The following CCDC82 variants were observed in gnomAD, a reference collection of about 807,000 sequenced individuals.
CCDC82 encodes the protein coiled-coil domain containing 82, also known as coiled-coil domain-containing protein 82.
Under a neutral mutation model 60.6 loss-of-function variants are expected in CCDC82, and 47 were observed. The observed-to-expected ratio is 0.77, with a 90% CI of 0.61 to 0.99. The LOEUF (loss-of-function observed/expected upper bound fraction) is 0.99, where lower values mean the gene tolerates loss of function less well. Ranked by LOEUF, CCDC82 falls within the 50% of genes least tolerant of loss-of-function variation. The pLI is 0.00. For missense variants in CCDC82, 588 were observed against 633.0 expected, an observed-to-expected ratio of 0.93 and a Z score of 0.76; for synonymous variants, 212 against 207.4, an observed-to-expected ratio of 1.02 and a Z score of -0.19.
chr11:96,357,607 T>C, intron 9 of CCDC82: 1 of 981,934 alleles, frequency 1.0e-6, no homozygotes, highest in Non-Finnish European at 1.2e-6. Flanking sequence ...TTCTTCCCCA[T>C]ATATGATACT....
In CCDC82 at chr11:96,359,987, CTT is replaced by C. The variant is rs764062416; in HGVS notation, c.1381-811_1381-810del. Among the ~76,000 whole-genome samples the C allele has an allele frequency of 2.2e-4, 34 of 151,328 alleles. No individual in the cohort carries two copies. The East Asian group carries it at 3.9e-3, about 17-fold the overall frequency. On this transcript the variant is annotated intron_variant, in intron 8 of 9. Coordinates refer to ENST00000646818, the MANE Select transcript of CCDC82 (RefSeq NM_024725.4). ...TTCTATAATTCTATGATTAAGAACTCTTTTTATGAAATCAAATAACCAGAACC... is the reference window on the plus strand; with the variant it reads ...TTCTATAATTCTATGATTAAGAACTCTTTATGAAATCAAATAACCAGAACC...
Position 96,357,835 on chromosome 11 carries a change from G to A in CCDC82, c.1566+1158C>T, listed in dbSNP as rs1864424744. On this transcript the variant is annotated intron_variant, in intron 9 of 9. Transcript: ENST00000646818. ...TCTCCTAAAGCAAATGAAAAAGTAC[G>A]GATAAGCAGGGAGAAGCATTTGGAG... The A allele has an allele frequency of 3.6e-5, 35 of 985,194 alleles. No individual in the cohort carries two copies. In the South Asian group the frequency reaches 8.9e-4, roughly 25 times the overall value. The allele number at this position is 985,194 out of a possible 1,614,324, so 61.0% of individuals were successfully genotyped here. A position where few individuals can be genotyped will look rare whatever the true frequency, so the allele number is the denominator to read the frequency against.
intron 5 of CCDC82, among the ~76,000 whole-genome samples, chr11:96,379,179 GTT>G (rs1466676880): frequency 5.3e-5 from 8 of 151,872 alleles, no homozygotes. Context: ...ATAGGTTACT[GTT>G]TTAATGAGAA....
chr11:96,387,979 G>C (rs1866294319), intron 1 of CCDC82: 1 of 152,226 alleles, frequency 6.6e-6, no homozygotes, highest in South Asian at 2.1e-4. Flanking sequence ...TTGAATGCCT[G>C]AGGCAGCATC....
intron 5 of CCDC82, among the ~76,000 whole-genome samples, chr11:96,375,316 G>C (rs1397516294): frequency 1.3e-5 from 2 of 152,136 alleles, no homozygotes; most frequent in African/African-American, 4.8e-5. Context: ...CTATTTCAAA[G>C]ACCCTGAGAG....
At chr11:96,356,931 A>C (rs935673137) in intron 9 of CCDC82, 2 of 985,502 alleles carry the variant, frequency 2.0e-6, no homozygotes, top group Non-Finnish European at 2.4e-6. Context: ...AGGAACAAAT[A>C]GTACGTGTAA....
At chr11:96,364,231 T>C (rs946191227) in intron 8 of CCDC82, 2 of 152,110 alleles carry the variant, frequency 1.3e-5, no homozygotes, top group Admixed American at 1.3e-4. Context: ...CATATGACTA[T>C]TAAATATACA....
intron 5 of CCDC82, among the ~76,000 whole-genome samples, chr11:96,374,321 T>G (rs1393847186): frequency 6.6e-6 from 1 of 152,178 alleles, no homozygotes; most frequent in African/African-American, 2.4e-5. Flanking sequence ...TGGATAGATT[T>G]TGACTCTCCT....
intron 7 of CCDC82, among the ~76,000 whole-genome samples, chr11:96,368,324 C>G (rs949144382): frequency 2.2e-4 from 34 of 152,030 alleles, no homozygotes; most frequent in Admixed American, 4.6e-4. Flanking sequence ...TAGGTCTTAA[C>G]AGTGGTCCAA....
At chr11:96,356,716 C>T (rs925163021) in intron 9 of CCDC82, 2 of 967,386 alleles carry the variant, frequency 2.1e-6, no homozygotes, top group African/African-American at 3.5e-5. Flanking sequence ...TCAAGTTGCT[C>T]CTACACCCCT....
chr11:96,375,745 A>G lies in CCDC82; in HGVS notation c.992-2278T>C, dbSNP rs547052123. On this transcript the variant is annotated intron_variant, in intron 5 of 9. Transcript: ENST00000646818. The stretch of plus-strand genomic sequence containing the variant: ...TCATGTTCCTATCCCCTAGTTAAAT[A>G]TTGTTACACATGGTAGATTTGATAT... Among the ~76,000 whole-genome samples the G allele has an allele frequency of 2.5e-4, 38 of 152,358 alleles. No individual in the cohort carries two copies. The South Asian group carries it at 7.9e-3, about 32-fold the overall frequency.
chr11:96,383,571 T>A (rs1448520856), intron 4 of CCDC82, 98 bp from the exon 5 acceptor site: 1 of 740,590 alleles, frequency 1.4e-6, no homozygotes, highest in African/African-American at 1.8e-5. Context: ...AAAAAAATGA[T>A]CCATAGTAAT....
At chr11:96,356,567 C>A in intron 9 of CCDC82, 1 of 985,016 alleles carries the variant, frequency 1.0e-6, no homozygotes, top group Non-Finnish European at 1.2e-6. Flanking sequence ...TCTTAATGAA[C>A]AAATATTCGT....
intron 9 of CCDC82, chr11:96,355,748 A>G (rs1864313210): frequency 1.3e-5 from 2 of 152,204 alleles, no homozygotes; most frequent in Admixed American, 6.5e-5. Flanking sequence ...CATTGCAGTT[A>G]GTATTACTCT....
chr11:96,368,212 G>A (rs1186558915), intron 7 of CCDC82, among the ~76,000 whole-genome samples: 1 of 152,148 alleles, frequency 6.6e-6, no homozygotes, highest in Non-Finnish European at 1.5e-5. Context: ...GTATTAAAAT[G>A]ATATTAATCT....
At chr11:96,370,436 A>G (rs944508404) in intron 7 of CCDC82, among the ~76,000 whole-genome samples, 9 of 152,194 alleles carry the variant, frequency 5.9e-5, no homozygotes, top group Non-Finnish European at 1.3e-4. Context: ...AAATTCTTCA[A>G]ATTGGTAGAA....
chr11:96,368,827 C>T (rs904646225), intron 7 of CCDC82, among the ~76,000 whole-genome samples: 5 of 149,818 alleles, frequency 3.3e-5, no homozygotes, highest in Admixed American at 6.7e-5. Flanking sequence ...GATTGCGCCA[C>T]TGCACTCCAA....
At chr11:96,365,891 T>C (rs1864919949) in intron 7 of CCDC82, among the ~76,000 whole-genome samples, 1 of 152,066 alleles carries the variant, frequency 6.6e-6, no homozygotes, top group African/African-American at 2.4e-5. Context: ...ACAGTGAGCA[T>C]ATTAGCATGG....
At chr11:96,381,240 T>C (rs1305593034) in intron 5 of CCDC82, 1 of 151,714 alleles carries the variant, frequency 6.6e-6, no homozygotes, top group African/African-American at 2.4e-5. Context: ...TAACCCAAAA[T>C]AGGATATCTC....
Sources: gnomAD v4.1 joint callset for allele counts (sites outside exome capture counted in the v4.1 genomes callset) on GRCh38, gnomAD v4.1.1 for gene constraint, MANE v1.5 for transcripts, NCBI Gene and HGNC (gene_info 2026-07-23, HGNC 2026-07-21) for gene names.